Variants in ANK3 observed in about 807,000 individuals in gnomAD.
The protein encoded by ANK3 is ankyrin-3.
A neutral mutation model predicts 370.9 loss-of-function variants in ANK3; 57 were observed. The ratio of observed to expected loss-of-function variants is 0.15; its 90% CI spans 0.12 to 0.19. The LOEUF is 0.19. Among genes scored for constraint, ANK3 ranks in the 10% least tolerant of loss-of-function variants. ANK3 has a pLI of 1.00. For missense variants in ANK3, 4,439 were observed against 5,302.1 expected (o/e 0.84, Z 5.06); for synonymous variants, 1,929 against 1,946.3 (o/e 0.99, Z 0.23).
chr10:60,180,594 C>CAAAAAAAAAAAAAAAAAAAAAAAAA (rs58386273), intron 18 of ANK3, among the ~76,000 whole-genome samples: 1 of 63,414 alleles, frequency 1.6e-5, no homozygotes, highest in Non-Finnish European at 2.7e-5. Flanking sequence ...GACTCCGTCT[C>CAAAAAAAAAAAAAAAAAAAAAAAAA]AAAAAAAAAA....
chr10:60,167,804 T>C (rs2095663320), intron 21 of ANK3, among the ~76,000 whole-genome samples: 1 of 152,196 alleles, frequency 6.6e-6, no homozygotes, highest in Non-Finnish European at 1.5e-5. Context: ...TTCTTAGAGA[T>C]AATACTTGGT....
chr10:60,209,148 C>A (rs1266419523), intron 9 of ANK3, among the ~76,000 whole-genome samples: 1 of 152,058 alleles, frequency 6.6e-6, no homozygotes, highest in East Asian at 1.9e-4. Flanking sequence ...AGTGGGGGAG[C>A]CTGGGAAATT....
intron 2 of ANK3, among the ~76,000 whole-genome samples, chr10:60,550,867 G>C (rs146598495): frequency 1.3e-5 from 2 of 151,948 alleles, no homozygotes; most frequent in Non-Finnish European, 2.9e-5. Flanking sequence ...ATGCCTTTTT[G>C]TAACTTCTGC....
At chr10:60,193,695 T>TA (rs1591545987) in intron 16 of ANK3, among the ~76,000 whole-genome samples, 1 of 152,052 alleles carries the variant, frequency 6.6e-6, no homozygotes, top group Non-Finnish European at 1.5e-5. Context: ...TTGCTGCACT[T>TA]ACTGCTTTAT....
intron 2 of ANK3, among the ~76,000 whole-genome samples, chr10:60,398,354 T>C (rs1413685988): frequency 1.3e-5 from 2 of 152,196 alleles, no homozygotes; most frequent in Non-Finnish European, 2.9e-5. Flanking sequence ...GTTAATAACA[T>C]ATCATTCTGA....
chr10:60,125,776 C>T (rs1172445004), intron 25 of ANK3, among the ~76,000 whole-genome samples: 1 of 152,126 alleles, frequency 6.6e-6, no homozygotes, highest in Non-Finnish European at 1.5e-5. Context: ...GTATTCTTCT[C>T]CCTTCCTATT....
chr10:60,395,782 T>C (rs2063225870), intron 2 of ANK3, among the ~76,000 whole-genome samples: 1 of 152,008 alleles, frequency 6.6e-6, no homozygotes, highest in East Asian at 1.9e-4. Context: ...CAGGGACATA[T>C]AGAGAAATGA....
chr10:60,620,446 T>C (rs552739470), intron 1 of ANK3, among the ~76,000 whole-genome samples: 6 of 152,300 alleles, frequency 3.9e-5, no homozygotes, highest in Middle Eastern at 3.4e-3. Flanking sequence ...GTACTTTTAT[T>C]ACCTCCATTT....
Position 60,069,577 on chromosome 10 carries a change from A to C in ANK3, c.11304T>G (p.Asn3768Lys), listed in dbSNP as rs2082310195. Residue 3768 changes from asparagine to lysine, a missense_variant, in exon 37 of 44, where the codon AAT becomes AAG. Physicochemically the swap from Asn to Lys is moderately conservative, Grantham distance 94. Transcript: ENST00000280772. ...ETITMISNTA[N>K]SQMGVRPHEK... Reference sequence around the variant, plus strand: ...CATGGGGCCTAACGCCCATCTGGCTATTGGCTGTATTTGAAATCATTGTTA... The same window carrying C: ...CATGGGGCCTAACGCCCATCTGGCTCTTGGCTGTATTTGAAATCATTGTTA... 1.9e-6 allele frequency: 3 copies of C among 1,613,568 alleles called. No homozygotes were observed. The highest frequency in any genetic ancestry group is 2.5e-6 in the Non-Finnish European group (3 of 1,179,920).
intron 1 of ANK3, among the ~76,000 whole-genome samples, chr10:60,704,615 T>G (rs2079589250): frequency 6.6e-6 from 1 of 152,162 alleles, no homozygotes; most frequent in Non-Finnish European, 1.5e-5. Context: ...TCCTGACCTT[T>G]CCCAACAAAG....
Position 60,070,799 on chromosome 10 carries a change from T to A in ANK3, c.10082A>T (p.Glu3361Val), listed in dbSNP as rs1410225043. 1.9e-6 allele frequency: 3 copies of A among 1,614,086 alleles called. No individual in the cohort carries two copies. Among genetic ancestry groups the A allele is most frequent in the Non-Finnish European group, 2.5e-6 (3 of 1,180,030 alleles). Reference sequence around the variant, plus strand: ...ATTATCTTTTCCAGATCCATTACTTTCCAGTTCTTTCTGGTTGGAAGCCTT... The same window carrying A: ...ATTATCTTTTCCAGATCCATTACTTACCAGTTCTTTCTGGTTGGAAGCCTT... The part of the protein sequence containing the change: ...AEKASNQKEL[E>V]SNGSGKDNEF... Residue 3361 changes from glutamate (E) to valine (V), a missense_variant, in exon 37 of 44, where the codon GAA (glutamate) becomes GTA (valine). Around this residue, in one of 13 missense-constraint regions of ANK3, gnomAD observed 1,601 missense variants for 1,731.7 expected, o/e 0.92. Transcript: ENST00000280772. The surrounding 1 kb of genome is among the most constrained non-coding windows in gnomAD (Gnocchi z 5.7).
chr10:60,269,143 A>AAT, intron 5 of ANK3, among the ~76,000 whole-genome samples: 1 of 152,316 alleles, frequency 6.6e-6, no homozygotes, highest in East Asian at 1.9e-4. Flanking sequence ...AAAATACTCA[A>AAT]ATATTGATCC....
chr10:60,438,097 A>G lies in ANK3; in HGVS notation c.97-158458T>C, dbSNP rs567341793. 5.3e-5 allele frequency among the ~76,000 whole-genome samples: 8 copies of G among 152,312 alleles called. No homozygotes were observed. The South Asian group carries it at 1.0e-3, about 20-fold the overall frequency. ...CAGAAATTCATGCTGACCCTTATGT[A>G]TGATGGTCATACCTAATTTTCTACT... On this transcript the variant is annotated intron_variant, in intron 2 of 43. Coordinates refer to the ANK3 transcript ENST00000373827.
At chr10:60,684,724 G>T in intron 1 of ANK3, 2 of 1,585,520 alleles carry the variant, frequency 1.3e-6, no homozygotes, top group South Asian at 2.2e-5. Flanking sequence ...TTTTCACTTC[G>T]GGGATGTAGG....
At chr10:60,548,909 G>A (rs989974298) in intron 2 of ANK3, among the ~76,000 whole-genome samples, 19 of 152,036 alleles carry the variant, frequency 1.2e-4, no homozygotes, top group African/African-American at 4.6e-4. Context: ...AGAATTTACA[G>A]CTTCTGCTCA....
chr10:60,155,866 C>A (rs187385971), intron 23 of ANK3, among the ~76,000 whole-genome samples: 274 of 152,332 alleles, frequency 1.8e-3, no homozygotes, highest in African/African-American at 6.5e-3. Context: ...GGACCTACAC[C>A]AGTGATTTGC....
intron 1 of ANK3, among the ~76,000 whole-genome samples, chr10:60,369,529 T>C (rs1224515716): frequency 2.0e-5 from 3 of 152,186 alleles, no homozygotes; most frequent in African/African-American, 7.2e-5. Flanking sequence ...TTAGAATATA[T>C]GTATGCCTCA....
At chr10:60,065,304 G>A (rs575936544) in intron 38 of ANK3, among the ~76,000 whole-genome samples, 47 of 152,332 alleles carry the variant, frequency 3.1e-4, no homozygotes, top group African/African-American at 1.1e-3. Context: ...AGGAGTCAGA[G>A]AAGGGAAGGA....
At chr10:60,488,395 T>C (rs2075404492) in intron 2 of ANK3, among the ~76,000 whole-genome samples, 1 of 152,202 alleles carries the variant, frequency 6.6e-6, no homozygotes, top group African/African-American at 2.4e-5. Flanking sequence ...TTTAAAATGT[T>C]TTGTAATCAT....
Sources: allele counts gnomAD v4.1 joint callset (sites outside exome capture counted in the v4.1 genomes callset), GRCh38; gene constraint gnomAD v4.1.1; regional missense constraint gnomAD v4.1.1; non-coding constraint Gnocchi (gnomAD v3.1); transcripts MANE v1.5; gene names NCBI Gene and HGNC (gene_info 2026-07-23, HGNC 2026-07-21).